NSL1: variants seen among roughly 807,000 people sequenced by gnomAD.
NSL1 encodes kinetochore-associated protein NSL1 homolog.
In NSL1, 11 loss-of-function variants were observed where a neutral mutation model predicts 25.4. That is an observed-to-expected ratio of 0.43 (90% confidence interval 0.27 to 0.72). The LOEUF (loss-of-function observed/expected upper bound fraction) is 0.72, where lower values mean the gene tolerates loss of function less well. Ranked by LOEUF, NSL1 falls within the 30% of genes least tolerant of loss-of-function variation. The probability of loss-of-function intolerance (pLI) is 0.19; values close to 1 mark genes in which losing one functional copy is unlikely to be tolerated. For synonymous variants in NSL1, 118 were observed against 120.6 expected, an observed-to-expected ratio of 0.98 and a Z score of 0.14; for missense variants, 330 against 342.7, an observed-to-expected ratio of 0.96 and a Z score of 0.29.
intron 4 of NSL1, among the ~76,000 whole-genome samples, chr1:212,773,812 A>AT (rs1451481971): frequency 3.9e-5 from 6 of 152,182 alleles, no homozygotes; most frequent in Non-Finnish European, 7.3e-5. Flanking sequence ...AGATGAATGA[A>AT]TAAAGAAAAG....
In NSL1 at chr1:212,737,048, AAC is replaced by A. The variant is rs1658258757; in HGVS notation, c.*1358_*1359del. 1 of 985,294 alleles carries A rather than the reference AAC, an allele frequency of 1.0e-6. No homozygotes were observed. 61.0% of individuals were successfully genotyped at this position (985,294 alleles called of 1,614,324 possible). On this transcript the variant is annotated 3_prime_UTR_variant, in exon 6 of 6. Transcript: ENST00000366977. ...ACAGCAACATATTATACAGCCTCAA[AAC>A]AGTTTTAAACTGAAGTCTAGTATGT...
intron 4 of NSL1, among the ~76,000 whole-genome samples, chr1:212,753,097 A>T (rs1459780847): frequency 6.6e-6 from 1 of 152,232 alleles, no homozygotes; most frequent in Non-Finnish European, 1.5e-5. Flanking sequence ...ATTTTCTGAA[A>T]GATAACCCTT....
intron 2 of NSL1, 123 bp downstream of exon 2, chr1:212,787,436 C>A: frequency 5.1e-6 from 3 of 583,586 alleles, no homozygotes; most frequent in Non-Finnish European, 8.9e-6. Flanking sequence ...TTTATTACTC[C>A]CCTAGTAAAC....
At chr1:212,787,160 CA>C (rs34594444) in intron 2 of NSL1, among the ~76,000 whole-genome samples, 441 of 117,742 alleles carry the variant, frequency 3.7e-3, no homozygotes, top group African/African-American at 5.0e-3. Flanking sequence ...GACTTCATCT[CA>C]AAAAAAAAAA....
chr1:212,781,104 T>C (rs891698834), intron 4 of NSL1, among the ~76,000 whole-genome samples: 1 of 152,198 alleles, frequency 6.6e-6, no homozygotes, highest in African/African-American at 2.4e-5. Context: ...AAATGCATAA[T>C]GAAAAAACTC....
chr1:212,738,847 C>A (rs184468998), intron 5 of NSL1, among the ~76,000 whole-genome samples, 161 bp from the exon 6 acceptor site: 1 of 152,090 alleles, frequency 6.6e-6, no homozygotes, highest in African/African-American at 2.4e-5. Context: ...ACTGCAATCT[C>A]CACCTCCTGG....
At chr1:212,745,160 C>CAAACAAACTATATA (rs1268799355) in intron 4 of NSL1, among the ~76,000 whole-genome samples, 1 of 117,688 alleles carries the variant, frequency 8.5e-6, no homozygotes, top group Non-Finnish European at 1.6e-5. Flanking sequence ...AACAAACAAA[C>CAAACAAACTATATA]TATATATATA....
chr1:212,743,205 G>A (rs1052759166), intron 4 of NSL1, among the ~76,000 whole-genome samples: 6 of 151,448 alleles, frequency 4.0e-5, no homozygotes, highest in Admixed American at 6.6e-5. Context: ...TCCCTCTGTC[G>A]CCAGCAGCGA....
At chr1:212,752,487 T>C (rs1447972852) in intron 4 of NSL1, among the ~76,000 whole-genome samples, 1 of 152,166 alleles carries the variant, frequency 6.6e-6, no homozygotes, top group African/African-American at 2.4e-5. Flanking sequence ...AAACTTAAAA[T>C]AGCTCCTTGC....
chr1:212,778,149 T>C (rs79272973), intron 4 of NSL1, among the ~76,000 whole-genome samples: 3,462 of 148,072 alleles, frequency 0.023, 62 homozygotes, highest in South Asian at 0.042. Flanking sequence ...AAGCAACATG[T>C]AGGCATAGAT....
intron 4 of NSL1, among the ~76,000 whole-genome samples, chr1:212,753,194 C>T (rs1257573693): frequency 6.6e-6 from 1 of 152,236 alleles, no homozygotes; most frequent in East Asian, 1.9e-4. Context: ...ACCTCACCAC[C>T]TCCTTCAGTA....
chr1:212,735,817 G>T lies in NSL1; in HGVS notation c.*2591C>A. On this transcript the variant is annotated 3_prime_UTR_variant, in exon 6 of 6. Coordinates refer to ENST00000366977, the MANE Select transcript of NSL1 (RefSeq NM_015471.4). ...GTAAGGAGGTGGTCATCTACAAGTC[G>T]GGAAGACAGCCCTCACCAGAAACTG... is the stretch of plus-strand genomic sequence containing the variant. 2.5e-6 allele frequency: 1 copy of T among 395,428 alleles called. No individual in the cohort carries two copies. The highest frequency in any genetic ancestry group is 3.4e-6 in the Non-Finnish European group (1 of 290,492). 24.5% of individuals were successfully genotyped at this position (395,428 alleles called of 1,614,324 possible). A position where few individuals can be genotyped will look rare whatever the true frequency, so the allele number is the denominator to read the frequency against.
intron 4 of NSL1, among the ~76,000 whole-genome samples, chr1:212,776,125 G>GT (rs1359512244): frequency 6.6e-6 from 1 of 152,118 alleles, no homozygotes; most frequent in South Asian, 2.1e-4. Flanking sequence ...CGTAAATTGT[G>GT]TTTTTTAACA....
chr1:212,753,836 AATAAACAGGT>A (rs1436279151), intron 4 of NSL1, among the ~76,000 whole-genome samples: 1 of 152,254 alleles, frequency 6.6e-6, no homozygotes, highest in Non-Finnish European at 1.5e-5. Context: ...CTATTAAGGA[AATAAACAGGT>A]GTCATGATAA....
At chr1:212,766,277 G>C (rs774865272) in intron 4 of NSL1, 7 of 624,672 alleles carry the variant, frequency 1.1e-5, no homozygotes, top group African/African-American at 3.7e-5. Context: ...TTGAGAACTG[G>C]AACAAGACAA....
Position 212,736,665 on chromosome 1 carries a change from C to T in NSL1, c.*1743G>A. The T allele has an allele frequency of 6.1e-6, 6 of 984,716 alleles. No individual in the cohort carries two copies. Among genetic ancestry groups the T allele is most frequent in the Non-Finnish European group, 7.2e-6 (6 of 829,270 alleles). 61.0% of individuals were successfully genotyped at this position (984,716 alleles called of 1,614,324 possible). A position where few individuals can be genotyped will look rare whatever the true frequency, so the allele number is the denominator to read the frequency against. On this transcript the variant is annotated 3_prime_UTR_variant, in exon 6 of 6. Transcript: ENST00000366977. ...CTCTCAAGAGGATTTCAAATCTCAG[C>T]TGTCTGCCTGGGGACTTTAAAATAT...
chr1:212,745,459 G>C (rs953531331), intron 4 of NSL1, among the ~76,000 whole-genome samples: 2 of 152,016 alleles, frequency 1.3e-5, no homozygotes, highest in South Asian at 4.2e-4. Context: ...AATCCTGAAA[G>C]CAACAAGAGA....
intron 1 of NSL1, among the ~76,000 whole-genome samples, chr1:212,789,654 A>T (rs1661092621): frequency 6.6e-6 from 1 of 152,256 alleles, no homozygotes; most frequent in African/African-American, 2.4e-5. Context: ...TTAAACAGAG[A>T]TACAAAATAA....
Position 212,729,130 on chromosome 1 carries a change from C to T in NSL1, c.*9278G>A, listed in dbSNP as rs1387689640. The T allele has an allele frequency of 4.1e-6, 4 of 985,274 alleles. No homozygotes were observed. Among genetic ancestry groups the T allele is most frequent in the African/African-American group, 3.5e-5 (2 of 57,212 alleles). 61.0% of individuals were successfully genotyped at this position (985,274 alleles called of 1,614,324 possible). On this transcript the variant is annotated 3_prime_UTR_variant, in exon 6 of 6. Transcript: ENST00000366977. Reference sequence around the variant, plus strand: ...TTACAGGAATATATTAGTGTTCCATCGTAGTTTCTAAAACCAGACAAAATC... The same window carrying T: ...TTACAGGAATATATTAGTGTTCCATTGTAGTTTCTAAAACCAGACAAAATC...
Sources: gnomAD v4.1 joint callset for allele counts (sites outside exome capture counted in the v4.1 genomes callset) on GRCh38, gnomAD v4.1.1 for gene constraint, MANE v1.5 for transcripts, NCBI Gene and HGNC (gene_info 2026-07-23, HGNC 2026-07-21) for gene names.